Variants in ODC1 observed in about 807,000 individuals in gnomAD.
The protein encoded by ODC1 is ornithine decarboxylase 1.
In ODC1, 18 loss-of-function variants were observed where a neutral mutation model predicts 41.5. The observed-to-expected ratio is 0.43, with a 90% CI of 0.30 to 0.64. ODC1 has a LOEUF of 0.64. Ranked by LOEUF, ODC1 falls within the 30% of genes least tolerant of loss-of-function variation. The pLI, the probability that ODC1 is intolerant of heterozygous loss-of-function variation, is 0.11. For synonymous variants in ODC1, 218 were observed against 211.6 expected (o/e 1.03, Z -0.26); for missense variants, 504 against 589.0 (o/e 0.86, Z 1.49).
rs1175897331 is a variant in ODC1, at chr2:10,441,516, G to T, written c.1234C>A (p.Pro412Thr). The T allele has an allele frequency of 6.2e-7, 1 of 1,613,692 alleles. No individual in the cohort carries two copies. The highest frequency in any genetic ancestry group is 1.1e-5 in the South Asian group (1 of 90,992). Residue 412 changes from proline (P) to threonine (T), a missense_variant, in exon 11 of 12, where the codon CCT (proline) becomes ACT (threonine). By Grantham distance (38) the Pro-to-Thr change is conservative (BLOSUM62 -1). Coordinates refer to ENST00000234111, the MANE Select transcript of ODC1 (RefSeq NM_002539.3). Reference protein sequence around the residue: ...RPTIYYVMSGPAWQLMQQFQN... With the variant: ...RPTIYYVMSGTAWQLMQQFQN... ...CATGCATGGCTTACTTACCACGCAG[G>T]CCCTGACATCACATAGTAGATCGTC...
Position 10,441,859 on chromosome 2 carries a change from G to T in ODC1, c.984C>A (p.Cys328Ter). The part of the protein sequence containing the change: ...VNDGVYGSFN[C>*]ILYDHAHVKP... ...TTACATGTGCGTGGTCATAGAGTAT[G>T]CAATTAAATGATCCATAGACGCCAT... Residue 328 changes from cysteine to a stop codon, truncating the protein, a stop_gained, in exon 10 of 12, where the codon TGC (cysteine) becomes TGA (stop). Transcript: ENST00000234111. LOFTEE classifies it high-confidence loss of function. 1 of 1,614,154 alleles carries T rather than the reference G, an allele frequency of 6.2e-7. No individual in the cohort carries two copies. The highest frequency in any genetic ancestry group is 8.5e-7 in the Non-Finnish European group (1 of 1,180,030).
At chr2:10,441,039 C>T (rs749979817) in intron 11 of ODC1, among the ~76,000 whole-genome samples, 171 bp from the exon 12 acceptor site, 1 of 152,056 alleles carries the variant, frequency 6.6e-6, no homozygotes, top group Non-Finnish European at 1.5e-5. Context: ...TCACCGCAGC[C>T]TCAACCTCCC....
chr2:10,441,032 C>T (rs1219808571), intron 11 of ODC1, among the ~76,000 whole-genome samples, 164 bp from the exon 12 acceptor site: 1 of 152,068 alleles, frequency 6.6e-6, no homozygotes, highest in African/African-American at 2.4e-5. Flanking sequence ...TCATAGCTCA[C>T]CGCAGCCTCA....
In ODC1 at chr2:10,440,883, G is replaced by A; in HGVS notation, c.1242-15C>T. ...GCATGAGTTGCCTGAGAAAGAAAAA[G>A]TGGCATATTAAAAACCCTGACTCAC... is the stretch of plus-strand genomic sequence containing the variant. On this transcript the variant is annotated splice_polypyrimidine_tract_variant and intron_variant, in intron 11 of 11. Transcript: ENST00000234111. The A allele has an allele frequency of 6.2e-7, 1 of 1,613,668 alleles. No individual in the cohort carries two copies. The highest frequency in any genetic ancestry group is 8.5e-7 in the Non-Finnish European group (1 of 1,179,852).
intron 11 of ODC1, among the ~76,000 whole-genome samples, chr2:10,441,292 T>C (rs1320523846): frequency 1.3e-5 from 2 of 152,226 alleles, no homozygotes; most frequent in Admixed American, 6.5e-5. Flanking sequence ...GTCACCGTTT[T>C]GGTAATAAGG....
chr2:10,447,129 C>T (rs911376525), intron 1 of ODC1, among the ~76,000 whole-genome samples: 1 of 152,092 alleles, frequency 6.6e-6, no homozygotes, highest in Non-Finnish European at 1.5e-5. Flanking sequence ...CTTTTTAATA[C>T]GCCAATACTT....
chr2:10,445,729 G>C (rs1021726889), intron 1 of ODC1, among the ~76,000 whole-genome samples: 26 of 152,058 alleles, frequency 1.7e-4, no homozygotes, highest in Admixed American at 6.6e-5. Context: ...TCTGCCTCCC[G>C]GGTTCAAGCG....
Position 10,444,265 on chromosome 2 carries a change from A to G in ODC1, c.279T>C (p.Thr93=), listed in dbSNP as rs749148957. 1 of 1,572,260 alleles carries G rather than the reference A, an allele frequency of 6.4e-7. No homozygotes were observed. The highest frequency in any genetic ancestry group is 1.2e-5 in the South Asian group (1 of 83,666). ...CCAGACTCTGCACCAACTGTATTTC[A>G]GTCTGAAAAAGAAGAGTGGTGTCAT... The part of the protein sequence containing the change: ...TGTGFDCASK[T]EIQLVQSLGV... The change falls in exon 5 of 12, where the codon ACT becomes ACC. Residue 93 remains threonine (T), a splice_region_variant and synonymous_variant. Coordinates refer to ENST00000234111, the MANE Select transcript of ODC1 (RefSeq NM_002539.3).
At chr2:10,444,416 G>T in intron 4 of ODC1, 58 bp downstream of exon 4, 1 of 1,537,834 alleles carries the variant, frequency 6.5e-7, no homozygotes. Flanking sequence ...TATCTGCCTC[G>T]TGGGGAATAC....
intron 8 of ODC1, 93 bp downstream of exon 8, chr2:10,443,137 T>C (rs1671887246): frequency 2.2e-6 from 2 of 920,150 alleles, no homozygotes; most frequent in Non-Finnish European, 3.5e-6. Context: ...TTCAGCCCAT[T>C]GTGGTATTAG....
At position 10,443,308 on chromosome 2, in the gene ODC1, C is replaced by T; in HGVS notation, c.672G>A (p.Glu224=). ...CAAGCAGATACATGCTGAAACCAAC[C>T]TCAGCCTAGAATCAAGAAAATAAGT... ...DARCVFDMGA[E]VGFSMYLLDI... The change falls in exon 8 of 12, where the codon GAG becomes GAA. Residue 224 remains glutamate (E), a synonymous_variant. Coordinates refer to ENST00000234111, the MANE Select transcript of ODC1 (RefSeq NM_002539.3). 1 of 1,610,388 alleles carries T rather than the reference C, an allele frequency of 6.2e-7. No homozygotes were observed. Among genetic ancestry groups the T allele is most frequent in the Non-Finnish European group, 8.5e-7 (1 of 1,178,940 alleles).
chr2:10,443,261 C>G lies in ODC1; in HGVS notation c.719G>C (p.Gly240Ala). The change falls in exon 8 of 12, where the codon GGA becomes GCA. Residue 240 changes from glycine (G) to alanine (A), a missense_variant. Around this residue, in one of 3 missense-constraint regions of ODC1, gnomAD observed 447 missense variants for 524.4 expected, o/e 0.85. Coordinates refer to ENST00000234111, the MANE Select transcript of ODC1 (RefSeq NM_002539.3). ...AAATTTAAGTTTCACATCCTCAGAT[C>G]CAGGAAAGCCACCGCCAATATCAAG... ...YLLDIGGGFP[G>A]SEDVKLKFEE... 6.2e-7 allele frequency: 1 copy of G among 1,612,778 alleles called. No homozygotes were observed. The highest frequency in any genetic ancestry group is 8.5e-7 in the Non-Finnish European group (1 of 1,179,700).
At position 10,444,975 on chromosome 2, in the gene ODC1, C is replaced by T. The variant is rs773629748; in HGVS notation, c.58G>A (p.Ala20Thr). 3.7e-6 allele frequency: 6 copies of T among 1,613,878 alleles called. No individual in the cohort carries two copies. In the East Asian group the frequency reaches 8.9e-5, roughly 24 times the overall value. Reference sequence around the variant, plus strand: ...ATTTTCTGGTCCAGAATGTCCTTGGCAGTAAAACCTTCATCGAGGAAGTGG... The same window carrying T: ...ATTTTCTGGTCCAGAATGTCCTTGGTAGTAAAACCTTCATCGAGGAAGTGG... ...DCHFLDEGFT[A>T]KDILDQKINE... The change falls in exon 3 of 12, where the codon GCC (alanine) becomes ACC (threonine). Residue 20 changes from alanine to threonine, a missense_variant. By Grantham distance (58) the Ala-to-Thr change is moderately conservative. Transcript: ENST00000234111.
intron 1 of ODC1, chr2:10,446,961 C>T (rs894921062): frequency 6.3e-6 from 1 of 159,582 alleles, no homozygotes; most frequent in African/African-American, 2.4e-5. Flanking sequence ...CTAGCAAAAC[C>T]ATTTTTGTTA....
intron 1 of ODC1, among the ~76,000 whole-genome samples, chr2:10,446,526 G>A (rs1672019816): frequency 1.3e-5 from 2 of 152,210 alleles, no homozygotes; most frequent in African/African-American, 4.8e-5. Flanking sequence ...TCTCGTATTT[G>A]CTTAGCTATG....
chr2:10,442,037 T>C lies in ODC1; in HGVS notation c.888A>G (p.Val296=), dbSNP rs774087228. The change falls in exon 9 of 12, where the codon GTA becomes GTG. Residue 296 remains valine, a synonymous_variant. Coordinates refer to ENST00000234111, the MANE Select transcript of ODC1 (RefSeq NM_002539.3). The part of the protein sequence containing the change: ...LAVNIIAKKI[V]LKEQTGSDDE... ...CATCAGAGCCCGTCTGTTCCTTTAA[T>C]ACAATTTTCTTGGCAATGATATTAA... is the stretch of plus-strand genomic sequence containing the variant. The C allele has an allele frequency of 1.2e-6, 2 of 1,614,012 alleles. No homozygotes were observed. Among genetic ancestry groups the C allele is most frequent in the Admixed American group, 1.7e-5 (1 of 59,974 alleles).
At chr2:10,445,717 C>T (rs1671990926) in intron 1 of ODC1, among the ~76,000 whole-genome samples, 1 of 152,120 alleles carries the variant, frequency 6.6e-6, no homozygotes, top group Non-Finnish European at 1.5e-5. Context: ...CTCACTGCAA[C>T]CTCTGCCTCC....
rs1206386437 is a variant in ODC1 at position 10,448,316 on chromosome 2, G to A, written c.-323C>T. On this transcript the variant is annotated 5_prime_UTR_variant, in exon 1 of 12. Coordinates refer to ENST00000234111, the MANE Select transcript of ODC1 (RefSeq NM_002539.3). The stretch of plus-strand genomic sequence containing the variant: ...GCGGGCGGCGGCGGCGGCGGCTACA[G>A]GAGGGACTGACAAAGCCCCACGGCA... The A allele has an allele frequency of 7.6e-6, 2 of 263,314 alleles. No individual in the cohort carries two copies. The highest frequency in any genetic ancestry group is 4.6e-5 in the African/African-American group (2 of 43,704). The allele number at this position is 263,314 out of a possible 1,614,324, so 16.3% of individuals were successfully genotyped here. A position where few individuals can be genotyped will look rare whatever the true frequency, so the allele number is the denominator to read the frequency against.
chr2:10,442,244 C>T, intron 8 of ODC1, 70 bp from the exon 9 acceptor site: 1 of 1,475,134 alleles, frequency 6.8e-7, no homozygotes, highest in Non-Finnish European at 9.2e-7. Context: ...AGTAACATCA[C>T]AGGGCCTTGT....
Sources: gnomAD v4.1 joint callset for allele counts (sites outside exome capture counted in the v4.1 genomes callset) on GRCh38, gnomAD v4.1.1 for gene constraint, gnomAD v4.1.1 regional missense constraint, MANE v1.5 for transcripts, NCBI Gene and HGNC (gene_info 2026-07-23, HGNC 2026-07-21) for gene names.